CPT1A: variants seen among roughly 807,000 people sequenced by gnomAD.
CPT1A encodes the protein carnitine palmitoyltransferase 1A, also known as carnitine O-palmitoyltransferase 1, liver isoform.
Under a neutral mutation model 100.8 loss-of-function variants are expected in CPT1A, and 64 were observed. The observed-to-expected ratio is 0.63, with a 90% CI of 0.52 to 0.78. The LOEUF (loss-of-function observed/expected upper bound fraction) is 0.78, where lower values mean the gene tolerates loss of function less well. Among genes scored for constraint, CPT1A ranks in the 30% least tolerant of loss-of-function variants. The pLI, the probability that CPT1A is intolerant of heterozygous loss-of-function variation, is 0.00. For missense variants in CPT1A, 802 were observed against 1,034.1 expected, an observed-to-expected ratio of 0.78 and a Z score of 3.08; for synonymous variants, 363 against 396.0, an observed-to-expected ratio of 0.92 and a Z score of 0.99.
At chr11:68,802,470 A>G (rs6591354) in intron 5 of CPT1A, among the ~76,000 whole-genome samples, 7,883 of 149,526 alleles carry the variant, frequency 0.053, 676 homozygotes, top group African/African-American at 0.18. Context: ...GGTGGCTCAC[A>G]CCTGTAATCC....
At position 68,761,426 on chromosome 11, in the gene CPT1A, T is replaced by A. The variant is rs894966977; in HGVS notation, c.2028+109A>T. ...TGACAGCTACACCCACAGACCCGTT[T>A]TTTTCAAATGCCCATTCTGACATTA... On this transcript the variant is annotated intron_variant, in intron 16 of 18. Coordinates refer to ENST00000265641, the MANE Select transcript of CPT1A (RefSeq NM_001876.4). 9.1e-6 allele frequency: 12 copies of A among 1,319,582 alleles called. No homozygotes were observed. The African/African-American group carries it at 1.5e-4, about 16-fold the overall frequency. The allele number at this position is 1,319,582 out of a possible 1,614,324, so 81.7% of individuals were successfully genotyped here.
chr11:68,800,793 T>C (rs1211049718), intron 5 of CPT1A, among the ~76,000 whole-genome samples: 3 of 151,976 alleles, frequency 2.0e-5, no homozygotes, highest in Non-Finnish European at 4.4e-5. Flanking sequence ...TCCCTGTACA[T>C]TGAAAAGTAA....
At chr11:68,779,795 C>CAAAA (rs11419131) in intron 12 of CPT1A, among the ~76,000 whole-genome samples, 5 of 124,032 alleles carry the variant, frequency 4.0e-5, no homozygotes, top group African/African-American at 3.2e-5. Flanking sequence ...GACCCTGTCT[C>CAAAA]AAAAAAAAAA....
intron 1 of CPT1A, among the ~76,000 whole-genome samples, chr11:68,838,571 T>TAAAAAAAAAAA (rs1177976460): frequency 0.034 from 2,502 of 74,078 alleles, 527 homozygotes; most frequent in Admixed American, 0.041. Context: ...CTGCACCTTT[T>TAAAAAAAAAAA]TAAAAAAAAA....
At chr11:68,817,686 T>G (rs12292255) in intron 1 of CPT1A, among the ~76,000 whole-genome samples, 27 of 80,710 alleles carry the variant, frequency 3.3e-4, no homozygotes, top group Admixed American at 3.7e-4. Flanking sequence ...AGGGCAGGTG[T>G]CTGGGGTCAA....
At chr11:68,813,696 CA>C (rs11400593) in intron 2 of CPT1A, among the ~76,000 whole-genome samples, 39 of 136,696 alleles carry the variant, frequency 2.9e-4, no homozygotes, top group South Asian at 1.2e-3. Flanking sequence ...GACCCTGTCT[CA>C]AAAAAAAAAA....
intron 16 of CPT1A, among the ~76,000 whole-genome samples, chr11:68,761,142 G>A (rs1366551026): frequency 6.6e-6 from 1 of 151,580 alleles, no homozygotes; most frequent in East Asian, 1.9e-4. Context: ...CTAGGAGTTT[G>A]AGCCCAGCCT....
chr11:68,792,428 T>C (rs750438349), intron 9 of CPT1A, among the ~76,000 whole-genome samples: 8 of 152,186 alleles, frequency 5.3e-5, no homozygotes, highest in Admixed American at 1.3e-4. Flanking sequence ...CATACAGGCC[T>C]GCCATGATGG....
rs181710761 is a variant in CPT1A, at chr11:68,825,035, G to A, written c.-13-9548C>T. Among the ~76,000 whole-genome samples, 826 of 152,180 alleles carry A rather than the reference G, an allele frequency of 5.4e-3. 5 individuals carry two copies. The highest frequency in any genetic ancestry group is 0.019 in the African/African-American group (792 of 41,518). ...GCTGGTCTTGAACTCCTGACCTCAG[G>A]TGATCTGCCCAACTCGGCCTCCCAA... On this transcript the variant is annotated intron_variant, in intron 1 of 18. Transcript: ENST00000265641.
chr11:68,798,860 AG>A (rs1236619579), intron 6 of CPT1A, among the ~76,000 whole-genome samples: 2 of 152,196 alleles, frequency 1.3e-5, no homozygotes, highest in Non-Finnish European at 2.9e-5. Context: ...ACCTGCACTC[AG>A]GGTAAAACTG....
chr11:68,762,269 C>T (rs555212343), intron 15 of CPT1A, among the ~76,000 whole-genome samples: 8 of 152,204 alleles, frequency 5.3e-5, no homozygotes, highest in Non-Finnish European at 7.3e-5. Flanking sequence ...AGGTCCCGTG[C>T]GACAGTCACA....
At chr11:68,768,066 C>CTTTTT (rs71043448) in intron 14 of CPT1A, among the ~76,000 whole-genome samples, 871 of 71,228 alleles carry the variant, frequency 0.012, 284 homozygotes, top group Middle Eastern at 0.04. Context: ...AGTTTCCAGT[C>CTTTTT]TTTTTTTTTT....
At chr11:68,805,814 C>T (rs1160805417) in intron 4 of CPT1A, among the ~76,000 whole-genome samples, 4 of 152,206 alleles carry the variant, frequency 2.6e-5, no homozygotes, top group Non-Finnish European at 5.9e-5. Context: ...TTACACACAT[C>T]TGGCCCCAGA....
chr11:68,814,320 T>G (rs3019584), intron 2 of CPT1A, among the ~76,000 whole-genome samples: 132,154 of 151,292 alleles, frequency 0.87, 59,448 homozygotes, highest in Non-Finnish European at 0.98. Flanking sequence ...TTGTTTGTTT[T>G]TTTTGAGACA....
intron 1 of CPT1A, among the ~76,000 whole-genome samples, chr11:68,838,860 GC>G (rs1482890667): frequency 2.0e-5 from 3 of 152,192 alleles, no homozygotes; most frequent in Non-Finnish European, 2.9e-5. Flanking sequence ...GAGCCACGGG[GC>G]CGGGCCCATC....
At chr11:68,816,806 GTA>G (rs1279313705) in intron 1 of CPT1A, among the ~76,000 whole-genome samples, 3 of 147,630 alleles carry the variant, frequency 2.0e-5, no homozygotes, top group Non-Finnish European at 3.0e-5. Flanking sequence ...CGTGTGTGTG[GTA>G]TGTGTGTGTG....
intron 12 of CPT1A, 34 bp downstream of exon 12, chr11:68,780,606 C>T (rs1282468074): frequency 5.0e-6 from 8 of 1,589,216 alleles, no homozygotes; most frequent in Admixed American, 3.3e-5. Context: ...TCAAAAGCAA[C>T]TTCCACATTC....
intron 14 of CPT1A, among the ~76,000 whole-genome samples, chr11:68,769,637 T>A (rs148099936): frequency 7.2e-5 from 11 of 152,198 alleles, no homozygotes; most frequent in African/African-American, 2.6e-4. Context: ...CCTGATTGCT[T>A]TTCTTTTCAA....
At chr11:68,770,072 AC>A (rs1854945359) in intron 14 of CPT1A, among the ~76,000 whole-genome samples, 1 of 150,590 alleles carries the variant, frequency 6.6e-6, no homozygotes, top group African/African-American at 2.4e-5. Flanking sequence ...AAAAAAAAAA[AC>A]AGTGTGAACT....
Sources: allele counts gnomAD v4.1 joint callset (sites outside exome capture counted in the v4.1 genomes callset), GRCh38; gene constraint gnomAD v4.1.1; transcripts MANE v1.5; gene names NCBI Gene and HGNC (gene_info 2026-07-23, HGNC 2026-07-21).